Variants in WFDC8 observed in about 807,000 individuals in gnomAD.
The protein encoded by WFDC8 is WAP four-disulfide core domain 8, also known as WAP four-disulfide core domain protein 8.
Under a neutral mutation model 27.0 loss-of-function variants are expected in WFDC8, and 24 were observed. The observed-to-expected ratio is 0.89, with a 90% CI of 0.64 to 1.25. The LOEUF (loss-of-function observed/expected upper bound fraction) is 1.25, where lower values mean the gene tolerates loss of function less well. Among genes scored for constraint, WFDC8 ranks in the 50% most tolerant of loss-of-function variants. WFDC8 has a pLI of 0.00. For missense variants in WFDC8, 287 were observed against 295.9 expected (o/e 0.97, Z 0.22); for synonymous variants, 106 against 99.7 (o/e 1.06, Z -0.38).
intron 3 of WFDC8, among the ~76,000 whole-genome samples, chr20:45,556,249 C>G (rs1349013991): frequency 6.6e-6 from 1 of 152,216 alleles, no homozygotes; most frequent in Non-Finnish European, 1.5e-5. Flanking sequence ...AGAATACATT[C>G]TTAAATAAAT....
chr20:45,553,034 C>G, intron 5 of WFDC8, 102 bp downstream of exon 5: 1 of 1,428,370 alleles, frequency 7.0e-7, no homozygotes, highest in Non-Finnish European at 9.5e-7. Flanking sequence ...AAGATGAGCC[C>G]AAGGAGCATC....
chr20:45,577,545 CCCA>C (rs1183869303), intron 1 of WFDC8, among the ~76,000 whole-genome samples: 3 of 149,472 alleles, frequency 2.0e-5, no homozygotes, highest in Non-Finnish European at 3.0e-5. Flanking sequence ...ATTACAGGCA[CCCA>C]CCACCACGTC....
chr20:45,558,602 C>T (rs554739615), intron 3 of WFDC8, among the ~76,000 whole-genome samples: 3 of 152,270 alleles, frequency 2.0e-5, no homozygotes, highest in East Asian at 3.9e-4. Flanking sequence ...GAACAGAGTG[C>T]GCATGCAACA....
At chr20:45,551,315 G>A (rs1980024438), downstream of WFDC8, 1 of 152,062 alleles carries the variant, frequency 6.6e-6, no homozygotes, top group Non-Finnish European at 1.5e-5. Context: ...GCTATAAATG[G>A]ATAGGAAATA....
intron 1 of WFDC8, among the ~76,000 whole-genome samples, chr20:45,574,625 T>G (rs775763112): frequency 3.2e-4 from 48 of 152,080 alleles, no homozygotes; most frequent in Non-Finnish European, 5.0e-4. Context: ...CAAAACCCTG[T>G]CTCTACTAAA....
In WFDC8 at chr20:45,558,858, A is replaced by G; in HGVS notation, c.271T>C (p.Phe91Leu). Reference protein sequence around the residue: ...FACQKKCMDPFQEPCMLPVRH... With the variant: ...FACQKKCMDPLQEPCMLPVRH... ...TCAGCCTGGACATCGCTACCTTGAAAGGGATCCATGCACTTCTTCTGACAG... is the reference window on the plus strand; with the variant it reads ...TCAGCCTGGACATCGCTACCTTGAAGGGGATCCATGCACTTCTTCTGACAG... The change falls in exon 3 of 6, where the codon TTT becomes CTT. Residue 91 changes from phenylalanine (F) to leucine (L), a missense_variant. Transcript: ENST00000289953. 1 of 1,614,164 alleles carries G rather than the reference A, an allele frequency of 6.2e-7. No individual in the cohort carries two copies. The highest frequency in any genetic ancestry group is 1.3e-5 in the African/African-American group (1 of 75,040).
chr20:45,563,224 G>T (rs1012915997), intron 1 of WFDC8, among the ~76,000 whole-genome samples: 5 of 152,174 alleles, frequency 3.3e-5, no homozygotes, highest in African/African-American at 1.2e-4. Flanking sequence ...CCCAAACATA[G>T]TGATCTTGAT....
downstream of WFDC8, chr20:45,551,505 T>C (rs4812912): frequency 0.38 from 58,152 of 151,592 alleles, 11,606 homozygotes; most frequent in Non-Finnish European, 0.43. Flanking sequence ...GGTGGGCACC[T>C]GTAATCCCAG....
At chr20:45,577,724 A>C (rs1460891701) in intron 1 of WFDC8, among the ~76,000 whole-genome samples, 5 of 146,424 alleles carry the variant, frequency 3.4e-5, no homozygotes, top group Non-Finnish European at 6.0e-5. Flanking sequence ...AAATAAAGAC[A>C]GGGCCAGCAC....
At chr20:45,573,548 A>G (rs1980943199) in intron 1 of WFDC8, among the ~76,000 whole-genome samples, 1 of 152,168 alleles carries the variant, frequency 6.6e-6, no homozygotes, top group East Asian at 1.9e-4. Context: ...GCGAAAACAT[A>G]TGGTATTTGG....
intron 1 of WFDC8, among the ~76,000 whole-genome samples, chr20:45,572,180 CT>C: frequency 6.6e-6 from 1 of 152,106 alleles, no homozygotes; most frequent in African/African-American, 2.4e-5. Flanking sequence ...GCGGGCGGAT[CT>C]CATCAGGAGA....
At chr20:45,571,157 T>A (rs1030691436) in intron 1 of WFDC8, among the ~76,000 whole-genome samples, 17 of 152,226 alleles carry the variant, frequency 1.1e-4, no homozygotes, top group Admixed American at 1.0e-3. Context: ...ATTCCTTTTT[T>A]ATTTTCCATG....
At chr20:45,578,513 A>T (rs550054838) in intron 1 of WFDC8, among the ~76,000 whole-genome samples, 1 of 151,444 alleles carries the variant, frequency 6.6e-6, no homozygotes, top group South Asian at 2.1e-4. Flanking sequence ...GAGAGAAAGC[A>T]CAAAGGAGCT....
intron 1 of WFDC8, among the ~76,000 whole-genome samples, chr20:45,570,393 C>A (rs903863944): frequency 2.0e-5 from 3 of 151,606 alleles, no homozygotes; most frequent in Non-Finnish European, 4.4e-5. Flanking sequence ...ATATTTCTAC[C>A]CCAGTGATTA....
At chr20:45,575,659 G>C (rs1352589488) in intron 1 of WFDC8, among the ~76,000 whole-genome samples, 2 of 151,244 alleles carry the variant, frequency 1.3e-5, no homozygotes, top group Non-Finnish European at 3.0e-5. Flanking sequence ...AGGAAACTGA[G>C]CAGCATTTTG....
intron 1 of WFDC8, among the ~76,000 whole-genome samples, chr20:45,569,724 T>G (rs7274685): frequency 0.37 from 55,501 of 151,954 alleles, 10,773 homozygotes; most frequent in Non-Finnish European, 0.43. Context: ...AGTTATCCCA[T>G]CACCATTTAT....
intron 3 of WFDC8, among the ~76,000 whole-genome samples, chr20:45,558,414 T>G (rs1304756206): frequency 6.6e-6 from 1 of 152,228 alleles, no homozygotes; most frequent in Non-Finnish European, 1.5e-5. Flanking sequence ...AATAAATGTA[T>G]GAGTGAGTGA....
rs1980105525 is a variant in WFDC8 at position 45,553,189 on chromosome 20, G to C, written c.533C>G (p.Thr178Arg). The change falls in exon 5 of 6, where the codon ACA becomes AGA. Residue 178 changes from threonine (T) to arginine (R), a missense_variant. By Grantham distance (71) the Thr-to-Arg change is moderately conservative. Coordinates refer to ENST00000289953, the MANE Select transcript of WFDC8 (RefSeq NM_130896.3). The stretch of plus-strand genomic sequence containing the variant: ...ACACCTGGATTCACAACATTTGTCT[G>C]TCTGGGGACAATCGATGTCACTGTG... ...SCHSDIDCPQ[T>R]DKCCESRCGF... 1 of 1,613,740 alleles carries C rather than the reference G, an allele frequency of 6.2e-7. No homozygotes were observed. The highest frequency in any genetic ancestry group is 1.3e-5 in the African/African-American group (1 of 74,896).
intron 3 of WFDC8, among the ~76,000 whole-genome samples, chr20:45,557,936 T>C (rs998430445): frequency 7.9e-5 from 12 of 152,138 alleles, no homozygotes; most frequent in Middle Eastern, 3.4e-3. Context: ...ATTTAAAAAA[T>C]CTCCTAGAAC....
Sources: gnomAD v4.1 joint callset for allele counts (sites outside exome capture counted in the v4.1 genomes callset) on GRCh38, gnomAD v4.1.1 for gene constraint, MANE v1.5 for transcripts, NCBI Gene and HGNC (gene_info 2026-07-23, HGNC 2026-07-21) for gene names.